RGS6: variants seen among roughly 807,000 people sequenced by gnomAD.
The protein encoded by RGS6 is regulator of G-protein signaling 6.
RGS6 carries 30 observed loss-of-function variants against 78.5 expected under a neutral mutation model. The ratio of observed to expected loss-of-function variants is 0.38; its 90% CI spans 0.29 to 0.52. The LOEUF (loss-of-function observed/expected upper bound fraction) is 0.52. Ranked by LOEUF, RGS6 falls within the 20% of genes least tolerant of loss-of-function variation. The pLI is 0.85. For synonymous variants in RGS6, 206 were observed against 206.0 expected (o/e 1.00, Z 0.00); for missense variants, 495 against 609.7 (o/e 0.81, Z 1.98).
At chr14:72,237,555 T>C (rs1010918566) in intron 2 of RGS6, among the ~76,000 whole-genome samples, 1 of 152,224 alleles carries the variant, frequency 6.6e-6, no homozygotes, top group African/African-American at 2.4e-5. Flanking sequence ...CAATGGAAGC[T>C]GAGACATTAC....
chr14:72,294,973 C>G (rs2064432425), intron 2 of RGS6, among the ~76,000 whole-genome samples: 2 of 152,190 alleles, frequency 1.3e-5, no homozygotes, highest in Admixed American at 1.3e-4. Flanking sequence ...ACTTGGTATG[C>G]TTTTGCATGC....
intron 13 of RGS6, among the ~76,000 whole-genome samples, chr14:72,506,984 TAAAAAAAAAAAAAAAAAAAAAA>T (rs71109738): frequency 9.2e-5 from 5 of 54,376 alleles, no homozygotes; most frequent in Admixed American, 3.4e-4. Context: ...CTGTCTCTAC[TAAAAAAAAAAAAAAAAAAAAAA>T]AAAAAAAAAA....
At chr14:72,132,279 C>CTTCT (rs1555500578) in intron 2 of RGS6, among the ~76,000 whole-genome samples, 12 of 137,984 alleles carry the variant, frequency 8.7e-5, no homozygotes, top group Admixed American at 8.1e-4. Context: ...TCTTCTTCTT[C>CTTCT]TTTTTTTTTT....
chr14:71,971,014 G>A (rs920645389), intron 2 of RGS6, among the ~76,000 whole-genome samples: 7 of 152,186 alleles, frequency 4.6e-5, no homozygotes, highest in Non-Finnish European at 1.0e-4. Flanking sequence ...GTCGTATACC[G>A]AGTTCAGGAG....
intron 2 of RGS6, among the ~76,000 whole-genome samples, chr14:72,336,738 C>T (rs187633503): frequency 1.3e-5 from 2 of 152,124 alleles, no homozygotes; most frequent in East Asian, 3.9e-4. Context: ...AAGTAACAGA[C>T]AATTATTAAC....
intron 2 of RGS6, among the ~76,000 whole-genome samples, chr14:72,266,575 G>A (rs780544175): frequency 3.3e-5 from 5 of 152,272 alleles, no homozygotes; most frequent in African/African-American, 4.8e-5. Flanking sequence ...AGTTTTTGGC[G>A]CTTAAGACAA....
intron 2 of RGS6, among the ~76,000 whole-genome samples, chr14:71,971,916 T>TGG (rs2093830732): frequency 6.8e-6 from 1 of 147,494 alleles, no homozygotes; most frequent in Non-Finnish European, 1.5e-5. Context: ...GTTTTTTTTT[T>TGG]TTTTTTTTTT....
At chr14:72,276,509 G>A (rs1191554585) in intron 2 of RGS6, among the ~76,000 whole-genome samples, 1 of 152,136 alleles carries the variant, frequency 6.6e-6, no homozygotes, top group African/African-American at 2.4e-5. Flanking sequence ...ATTTGATATG[G>A]TTTTGCTGTG....
intron 2 of RGS6, among the ~76,000 whole-genome samples, chr14:72,247,182 A>G (rs974578231): frequency 2.0e-5 from 3 of 152,184 alleles, no homozygotes; most frequent in African/African-American, 7.2e-5. Context: ...TTTCCATACA[A>G]TGTAGCAAGT....
At chr14:72,214,776 TAGTG>T (rs1480075856) in intron 2 of RGS6, among the ~76,000 whole-genome samples, 1 of 151,870 alleles carries the variant, frequency 6.6e-6, no homozygotes, top group Non-Finnish European at 1.5e-5. Flanking sequence ...CTGAGCAACA[TAGTG>T]AGACACTGTC....
At chr14:72,325,017 G>T (rs1295576759) in intron 2 of RGS6, among the ~76,000 whole-genome samples, 1 of 152,196 alleles carries the variant, frequency 6.6e-6, no homozygotes, top group Non-Finnish European at 1.5e-5. Flanking sequence ...TCCAGCACCT[G>T]TTGTTCCCTG....
the RGS6 span, among the ~76,000 whole-genome samples, chr14:71,868,097 A>G: frequency 7.9e-5 from 12 of 152,180 alleles, no homozygotes; most frequent in Non-Finnish European, 1.3e-4. Context: ...AGCCAGTGCT[A>G]TCTTCCTGCT....
intron 2 of RGS6, among the ~76,000 whole-genome samples, chr14:72,190,290 A>G (rs1446907290): frequency 1.3e-5 from 2 of 152,228 alleles, no homozygotes; most frequent in African/African-American, 4.8e-5. Flanking sequence ...CACTCTGCAG[A>G]CAATTTCAGC....
At chr14:72,214,813 G>A (rs1215404396) in intron 2 of RGS6, among the ~76,000 whole-genome samples, 1 of 151,916 alleles carries the variant, frequency 6.6e-6, no homozygotes, top group East Asian at 1.9e-4. Context: ...ATGGGGAGTA[G>A]GGTAAGGAAA....
intron 2 of RGS6, among the ~76,000 whole-genome samples, chr14:72,291,059 ACT>A (rs2063491048): frequency 1.3e-5 from 2 of 151,024 alleles, no homozygotes; most frequent in South Asian, 4.2e-4. Context: ...TCCAGTTCAC[ACT>A]CTCCACATCC....
intron 2 of RGS6, among the ~76,000 whole-genome samples, chr14:72,204,380 A>G (rs542981239): frequency 6.6e-6 from 1 of 152,280 alleles, no homozygotes; most frequent in Non-Finnish European, 1.5e-5. Flanking sequence ...CAGGAGGAAG[A>G]CATCCTAGAA....
intron 3 of RGS6, among the ~76,000 whole-genome samples, chr14:72,433,845 C>T (rs771505532): frequency 1.8e-4 from 27 of 152,228 alleles, no homozygotes; most frequent in Non-Finnish European, 3.4e-4. Context: ...GGATGATGAC[C>T]ACCCGTTTCA....
chr14:72,469,929 G>A (rs1566924541), intron 7 of RGS6, 78 bp from the exon 8 acceptor site: 1 of 1,005,286 alleles, frequency 9.9e-7, no homozygotes, highest in East Asian at 2.4e-5. Context: ...ATTGATGGAT[G>A]CCTTATAATA....
At chr14:72,363,711 G>A (rs1240944668) in intron 3 of RGS6, among the ~76,000 whole-genome samples, 1 of 152,098 alleles carries the variant, frequency 6.6e-6, no homozygotes, top group Admixed American at 6.5e-5. Context: ...AAAAATTATA[G>A]TAAAAGATTT....
Sources: gnomAD v4.1 joint callset for allele counts (sites outside exome capture counted in the v4.1 genomes callset) on GRCh38, gnomAD v4.1.1 for gene constraint, MANE v1.5 for transcripts, NCBI Gene and HGNC (gene_info 2026-07-23, HGNC 2026-07-21) for gene names.